The following AP3B1 variants were observed in gnomAD, a reference collection of about 807,000 sequenced individuals.
The protein encoded by AP3B1 is AP-3 complex subunit beta-1.
Under a neutral mutation model 132.5 loss-of-function variants are expected in AP3B1, and 61 were observed. The observed-to-expected ratio is 0.46, with a 90% CI of 0.37 to 0.57. The LOEUF is 0.57. Ranked by LOEUF, AP3B1 falls within the 20% of genes least tolerant of loss-of-function variation. AP3B1 has a pLI of 0.00. For missense variants in AP3B1, 1,120 were observed against 1,289.4 expected, an observed-to-expected ratio of 0.87 and a Z score of 2.01; for synonymous variants, 388 against 438.3, an observed-to-expected ratio of 0.89 and a Z score of 1.43.
intron 1 of AP3B1, among the ~76,000 whole-genome samples, chr5:78,292,054 A>T (rs2112602544): frequency 6.6e-6 from 1 of 152,100 alleles, no homozygotes; most frequent in African/African-American, 2.4e-5. Flanking sequence ...TTTTTTTTTA[A>T]TTGGTAAATC....
intron 22 of AP3B1, among the ~76,000 whole-genome samples, chr5:78,080,839 C>A (rs1037950725): frequency 2.6e-5 from 4 of 151,972 alleles, no homozygotes; most frequent in Admixed American, 2.6e-4. Flanking sequence ...AAAATATGAT[C>A]GGTGGAAAAA....
chr5:78,156,899 G>A (rs556934346), intron 13 of AP3B1, among the ~76,000 whole-genome samples: 25 of 152,300 alleles, frequency 1.6e-4, no homozygotes, highest in South Asian at 1.2e-3. Context: ...GGAGTGCAAA[G>A]CCGGAAAGAA....
At chr5:78,099,493 G>A (rs1751040595) in intron 21 of AP3B1, among the ~76,000 whole-genome samples, 1 of 152,152 alleles carries the variant, frequency 6.6e-6, no homozygotes, top group Admixed American at 6.5e-5. Context: ...AGGAGTATGG[G>A]CTTTCATCTA....
intron 20 of AP3B1, among the ~76,000 whole-genome samples, chr5:78,107,773 G>GA (rs1012231482): frequency 1.2e-4 from 18 of 149,206 alleles, no homozygotes; most frequent in South Asian, 4.3e-4. Flanking sequence ...TAAAAAGAGT[G>GA]AAAAAAAAAG....
intron 17 of AP3B1, among the ~76,000 whole-genome samples, chr5:78,124,425 C>CT (rs1217002778): frequency 3.9e-5 from 6 of 152,228 alleles, no homozygotes; most frequent in Admixed American, 1.3e-4. Context: ...AACCACTAGT[C>CT]TAAGGCTGGG....
At chr5:78,033,058 C>T (rs996666192) in intron 24 of AP3B1, among the ~76,000 whole-genome samples, 1 of 152,002 alleles carries the variant, frequency 6.6e-6, no homozygotes, top group African/African-American at 2.4e-5. Flanking sequence ...GTTCTTTATA[C>T]AAATTGATAA....
intron 22 of AP3B1, among the ~76,000 whole-genome samples, chr5:78,045,014 T>C (rs1269463250): frequency 6.6e-6 from 1 of 152,212 alleles, no homozygotes; most frequent in Non-Finnish European, 1.5e-5. Flanking sequence ...CTATGCACTC[T>C]TTCACAATAA....
At chr5:78,179,524 T>C (rs1744281740) in intron 8 of AP3B1, among the ~76,000 whole-genome samples, 1 of 152,126 alleles carries the variant, frequency 6.6e-6, no homozygotes, top group South Asian at 2.1e-4. Flanking sequence ...TCCCAAAACT[T>C]CAAAATCCAA....
At chr5:78,113,506 C>A (rs1164037830) in intron 19 of AP3B1, among the ~76,000 whole-genome samples, 2 of 152,122 alleles carry the variant, frequency 1.3e-5, no homozygotes, top group Non-Finnish European at 2.9e-5. Context: ...TTAACTCAGC[C>A]TTCCAAGGTT....
chr5:78,148,737 A>T (rs1753519405), intron 14 of AP3B1, among the ~76,000 whole-genome samples: 1 of 152,142 alleles, frequency 6.6e-6, no homozygotes, highest in South Asian at 2.1e-4. Flanking sequence ...TTGTGGTAAA[A>T]ACCACAATTA....
chr5:78,227,553 T>A lies in AP3B1; in HGVS notation c.376-21A>T, dbSNP rs375134281. 17 of 1,612,772 alleles carry A rather than the reference T, an allele frequency of 1.1e-5. No homozygotes were observed. The African/African-American group carries it at 2.0e-4, about 19-fold the overall frequency. ...GGGTCCTAAAAATAGTGCAAAAATA[T>A]TCACCAAAATTTCAACTTTACAATA... On this transcript the variant is annotated intron_variant, in intron 4 of 26. Transcript: ENST00000255194.
intron 23 of AP3B1, among the ~76,000 whole-genome samples, chr5:78,035,775 C>T (rs1182548887): frequency 6.6e-6 from 1 of 152,032 alleles, no homozygotes; most frequent in African/African-American, 2.4e-5. Context: ...TTCCAGGATG[C>T]CACTCAAATA....
At chr5:78,106,961 G>T (rs534836664) in intron 20 of AP3B1, among the ~76,000 whole-genome samples, 6 of 152,236 alleles carry the variant, frequency 3.9e-5, no homozygotes, top group African/African-American at 1.4e-4. Flanking sequence ...ACTGAAAGAT[G>T]TTACCATGGA....
chr5:78,039,073 C>T lies in AP3B1; in HGVS notation c.2779G>A (p.Gly927Ser), dbSNP rs746205404. Residue 927 changes from glycine (G) to serine (S), a missense_variant, in exon 23 of 27, where the codon GGC (glycine) becomes AGC (serine). By Grantham distance (56) the Gly-to-Ser change is moderately conservative (BLOSUM62 0). Around this residue, in one of 3 missense-constraint regions of AP3B1, gnomAD observed 906 missense variants for 997.1 expected, o/e 0.91. Coordinates refer to ENST00000255194, the MANE Select transcript of AP3B1 (RefSeq NM_003664.5). Reference sequence around the variant, plus strand: ...GGATTAAAAACATGCATTTTCATGCCTATAGGAAGTTTTTTTTCCCCTATG... The same window carrying T: ...GGATTAAAAACATGCATTTTCATGCTTATAGGAAGTTTTTTTTCCCCTATG... ...IHIGEKKLPI[G>S]MKMHVFNPID... 24 of 1,605,334 alleles carry T rather than the reference C, an allele frequency of 1.5e-5. No individual in the cohort carries two copies. The East Asian group carries it at 4.9e-4, about 33-fold the overall frequency.
chr5:78,291,801 A>G (rs138612557), intron 1 of AP3B1, among the ~76,000 whole-genome samples: 105 of 152,312 alleles, frequency 6.9e-4, no homozygotes, highest in African/African-American at 2.4e-3. Context: ...TTGGGAAAAA[A>G]AACACTTTAT....
intron 24 of AP3B1, among the ~76,000 whole-genome samples, chr5:78,030,872 T>G (rs1397340610): frequency 1.3e-5 from 2 of 152,098 alleles, no homozygotes; most frequent in Admixed American, 6.5e-5. Flanking sequence ...AGAGACAAGG[T>G]CTTGCTATGT....
intron 3 of AP3B1, among the ~76,000 whole-genome samples, chr5:78,231,356 T>C (rs1746644649): frequency 6.6e-6 from 1 of 152,012 alleles, no homozygotes; most frequent in Non-Finnish European, 1.5e-5. Context: ...GTATTCTTAG[T>C]AGAGATGGGG....
chr5:78,075,304 A>C (rs1405841957), intron 22 of AP3B1, among the ~76,000 whole-genome samples: 1 of 152,222 alleles, frequency 6.6e-6, no homozygotes. Context: ...TTATCCTAAT[A>C]ATTCCAAATA....
At position 78,294,688 on chromosome 5, in the gene AP3B1, C is replaced by T. The variant is rs997857489; in HGVS notation, c.-109G>A. 3.0e-5 allele frequency: 47 copies of T among 1,568,270 alleles called. No homozygotes were observed. The highest frequency in any genetic ancestry group is 4.1e-5 in the Non-Finnish European group (47 of 1,151,986). ...TAGTTCTCGTACGGAGGAGCGCGCG[C>T]AGGCGCTTCCGGACTCGTCACGGCT... On this transcript the variant is annotated 5_prime_UTR_variant, in exon 1 of 27. Transcript: ENST00000255194.
Sources: gnomAD v4.1 joint callset for allele counts (sites outside exome capture counted in the v4.1 genomes callset) on GRCh38, gnomAD v4.1.1 for gene constraint, gnomAD v4.1.1 regional missense constraint, MANE v1.5 for transcripts, NCBI Gene and HGNC (gene_info 2026-07-23, HGNC 2026-07-21) for gene names.